SND1: variants seen among roughly 807,000 people sequenced by gnomAD.
SND1 encodes the protein staphylococcal nuclease domain-containing protein 1.
A neutral mutation model predicts 121.7 loss-of-function variants in SND1; 38 were observed. The ratio of observed to expected loss-of-function variants is 0.31; its 90% CI spans 0.24 to 0.41. SND1 has a LOEUF of 0.41. Among genes scored for constraint, SND1 ranks in the 10% least tolerant of loss-of-function variants. The probability of loss-of-function intolerance (pLI) is 1.00; values close to 1 mark genes in which losing one functional copy is unlikely to be tolerated. For synonymous variants in SND1, 401 were observed against 447.4 expected, an observed-to-expected ratio of 0.90 and a Z score of 1.31; for missense variants, 868 against 1,184.6, an observed-to-expected ratio of 0.73 and a Z score of 3.92.
At chr7:128,081,285 C>T (rs1793597194) in intron 17 of SND1, 75 bp from the exon 18 acceptor site, 1 of 1,580,574 alleles carries the variant, frequency 6.3e-7, no homozygotes, top group Middle Eastern at 1.8e-4. Context: ...CATGAGCCAC[C>T]ACGCCTGGCC....
rs1489665296 is a variant in SND1 at position 128,030,203 on chromosome 7, C to G, written c.1779+39147C>G. The G allele has an allele frequency of 3.7e-6, 6 of 1,614,244 alleles. No homozygotes were observed. The Admixed American group carries it at 6.7e-5, about 18-fold the overall frequency. On this transcript the variant is annotated intron_variant, in intron 16 of 23. Transcript: ENST00000354725. ...GAAGCCAGAGCTCCCGCAGCTTGGA[C>G]AGGTATTCAAAGGCCCCGCTAGGGA...
At chr7:128,033,626 A>G (rs1479703022) in intron 16 of SND1, among the ~76,000 whole-genome samples, 1 of 152,226 alleles carries the variant, frequency 6.6e-6, no homozygotes, top group Non-Finnish European at 1.5e-5. Context: ...TTTGTAGGCA[A>G]GTTGGAGTCC....
At position 128,092,115 on chromosome 7, in the gene SND1, G is replaced by T. The variant is rs368124781; in HGVS notation, c.*57G>T. The stretch of plus-strand genomic sequence containing the variant: ...TCACGCCAGTCCCTCTTCCTCTGCC[G>T]GGAGGGTGTTTTCAACTCCAAACCC... On this transcript the variant is annotated 3_prime_UTR_variant, in exon 24 of 24. Transcript: ENST00000354725. The surrounding 1 kb of genome is among the most constrained non-coding windows in gnomAD (Gnocchi z 4.9). The T allele has an allele frequency of 4.5e-6, 7 of 1,566,692 alleles. No individual in the cohort carries two copies. The highest frequency in any genetic ancestry group is 6.1e-6 in the Non-Finnish European group (7 of 1,138,346).
intron 16 of SND1, among the ~76,000 whole-genome samples, chr7:128,020,279 C>G (rs996473478): frequency 6.6e-6 from 1 of 152,200 alleles, no homozygotes; most frequent in Admixed American, 6.5e-5. Context: ...GGCCTTCCCC[C>G]CTCCCAAAAG....
At chr7:127,802,779 C>G (rs325438) in intron 10 of SND1, among the ~76,000 whole-genome samples, 1 of 152,084 alleles carries the variant, frequency 6.6e-6, no homozygotes. Flanking sequence ...CTTCTCCGTT[C>G]GTCTATTCTA....
chr7:127,722,251 T>A (rs1796508857), intron 10 of SND1, among the ~76,000 whole-genome samples: 1 of 151,946 alleles, frequency 6.6e-6, no homozygotes, highest in African/African-American at 2.4e-5. Flanking sequence ...TGGACAGTTT[T>A]CAGTAATTAA....
chr7:127,942,697 T>C (rs1351186132), intron 15 of SND1, among the ~76,000 whole-genome samples: 1 of 152,252 alleles, frequency 6.6e-6, no homozygotes, highest in African/African-American at 2.4e-5. Flanking sequence ...GAAGTCATAC[T>C]GGAGGTAAAT....
chr7:128,049,546 T>A lies in SND1; in HGVS notation c.1780-24956T>A, dbSNP rs74786387. The stretch of plus-strand genomic sequence containing the variant: ...AGCACTCACCTCCCCAAGCACCACC[T>A]GTCATTGATAAGACCAGAAGGCTTG... On this transcript the variant is annotated intron_variant, in intron 16 of 23. Transcript: ENST00000354725. 1.0e-2 allele frequency among the ~76,000 whole-genome samples: 1,515 copies of A among 152,232 alleles called. 19 individuals are homozygous for A. Among genetic ancestry groups the A allele is most frequent in the African/African-American group, 0.035 (1,445 of 41,526 alleles).
chr7:127,686,753 C>A lies in SND1; in HGVS notation c.219C>A (p.Thr73=), dbSNP rs199802956. The A allele has an allele frequency of 6.2e-7, 1 of 1,613,568 alleles. No homozygotes were observed. The highest frequency in any genetic ancestry group is 2.2e-5 in the East Asian group (1 of 44,862). ...AAATQPDAKD[T]PDEPWAFPAR... The stretch of plus-strand genomic sequence containing the variant: ...CCACACAACCTGATGCAAAGGATAC[C>A]CCTGATGAGGTAGGTGTTTCCTGAG... Residue 73 remains threonine, a synonymous_variant, in exon 2 of 24, where the codon ACC becomes ACA. Coordinates refer to ENST00000354725, the MANE Select transcript of SND1 (RefSeq NM_014390.4).
At chr7:128,025,277 T>C (rs530874669) in intron 16 of SND1, among the ~76,000 whole-genome samples, 139 of 152,308 alleles carry the variant, frequency 9.1e-4, no homozygotes, top group African/African-American at 3.2e-3. Flanking sequence ...TGATAGCCAA[T>C]AGCAGCCTGG....
At chr7:128,076,457 G>T (rs149462993) in intron 17 of SND1, among the ~76,000 whole-genome samples, 1 of 152,178 alleles carries the variant, frequency 6.6e-6, no homozygotes, top group African/African-American at 2.4e-5. Flanking sequence ...CAGTCTGCTC[G>T]TCAAGGATCC....
chr7:128,056,130 G>A (rs1227275649), intron 16 of SND1, among the ~76,000 whole-genome samples: 1 of 152,262 alleles, frequency 6.6e-6, no homozygotes, highest in African/African-American at 2.4e-5. Flanking sequence ...ACTTAATTCA[G>A]TGTGTAGCAC....
chr7:128,051,837 G>A lies in SND1; in HGVS notation c.1780-22665G>A, dbSNP rs1372740132. ...CCCATCCTTTGACGGAGCTTCTCTC[G>A]TTTAGTCCTCAAGGTAGCCAGTCCT... On this transcript the variant is annotated intron_variant, in intron 16 of 23. Transcript: ENST00000354725. Among the ~76,000 whole-genome samples, 7 of 152,184 alleles carry A rather than the reference G, an allele frequency of 4.6e-5. No individual in the cohort carries two copies. The East Asian group carries it at 9.6e-4, about 21-fold the overall frequency.
chr7:127,729,512 G>A (rs772378105), intron 10 of SND1, among the ~76,000 whole-genome samples: 4 of 140,192 alleles, frequency 2.9e-5, no homozygotes, highest in Admixed American at 7.7e-5. Context: ...CCAGTGCTTC[G>A]CATTTTTGCA....
chr7:127,788,690 T>C (rs1424383778), intron 10 of SND1, among the ~76,000 whole-genome samples: 1 of 152,238 alleles, frequency 6.6e-6, no homozygotes, highest in African/African-American at 2.4e-5. Flanking sequence ...GTTTTAAGTC[T>C]GTTGTCATAT....
intron 4 of SND1, among the ~76,000 whole-genome samples, chr7:127,699,259 A>G (rs773628951): frequency 1.3e-5 from 2 of 152,212 alleles, no homozygotes; most frequent in African/African-American, 2.4e-5. Context: ...AGCGAGTCCC[A>G]AATATTTATT....
chr7:127,850,104 T>C (rs2116658613), intron 12 of SND1, among the ~76,000 whole-genome samples: 1 of 152,362 alleles, frequency 6.6e-6, no homozygotes, highest in South Asian at 2.1e-4. Context: ...ATACTTTTTT[T>C]CTCCCAGCTG....
At chr7:127,661,217 A>G (rs1246520443) in intron 1 of SND1, among the ~76,000 whole-genome samples, 1 of 152,150 alleles carries the variant, frequency 6.6e-6, no homozygotes, top group East Asian at 1.9e-4. Context: ...CTCAGGGTCC[A>G]CTTATAGTGA....
chr7:128,084,375 G>C (rs1386576843), intron 18 of SND1, among the ~76,000 whole-genome samples: 1 of 152,200 alleles, frequency 6.6e-6, no homozygotes, highest in Non-Finnish European at 1.5e-5. Flanking sequence ...GATTGTCCTT[G>C]CTCCCTGTCT....
Sources: allele counts gnomAD v4.1 joint callset (sites outside exome capture counted in the v4.1 genomes callset), GRCh38; gene constraint gnomAD v4.1.1; non-coding constraint Gnocchi (gnomAD v3.1); transcripts MANE v1.5; gene names NCBI Gene and HGNC (gene_info 2026-07-23, HGNC 2026-07-21).